UACA: variants seen among roughly 807,000 people sequenced by gnomAD.
UACA encodes the protein uveal autoantigen with coiled-coil domains and ankyrin repeats, also known as nuclear membrane binding protein.
Under a neutral mutation model 160.5 loss-of-function variants are expected in UACA, and 112 were observed. The ratio of observed to expected loss-of-function variants is 0.70; its 90% CI spans 0.60 to 0.82. The LOEUF (loss-of-function observed/expected upper bound fraction) is 0.82. UACA is among the 40% of genes least tolerant of loss of function. The pLI is 0.00. For synonymous variants in UACA, 557 were observed against 568.4 expected (o/e 0.98, Z 0.29); for missense variants, 1,574 against 1,614.6 (o/e 0.97, Z 0.43).
chr15:70,774,419 G>C, the UACA span, among the ~76,000 whole-genome samples: 1 of 151,858 alleles, frequency 6.6e-6, no homozygotes, highest in African/African-American at 2.4e-5. Flanking sequence ...GGTGGTGGGC[G>C]CCTGTAGTCC....
At chr15:70,754,507 C>G (rs1268258766) in intron 1 of UACA, among the ~76,000 whole-genome samples, 3 of 151,992 alleles carry the variant, frequency 2.0e-5, no homozygotes, top group Non-Finnish European at 2.9e-5. Flanking sequence ...GGTTAGGTGT[C>G]TTAAATGCAT....
At chr15:70,722,557 A>G (rs1296537707) in intron 1 of UACA, among the ~76,000 whole-genome samples, 2 of 152,174 alleles carry the variant, frequency 1.3e-5, no homozygotes, top group Non-Finnish European at 2.9e-5. Context: ...AGCTCAAGCA[A>G]TCCTCCTGGC....
At chr15:70,670,486 T>A (rs574662891) in intron 15 of UACA, among the ~76,000 whole-genome samples, 1 of 152,192 alleles carries the variant, frequency 6.6e-6, no homozygotes, top group African/African-American at 2.4e-5. Context: ...TTCCTTTCGT[T>A]CCTGCTCTAA....
intron 2 of UACA, among the ~76,000 whole-genome samples, chr15:70,695,832 T>C (rs1357608220): frequency 6.6e-6 from 1 of 152,232 alleles, no homozygotes; most frequent in African/African-American, 2.4e-5. Flanking sequence ...TATTTCATTA[T>C]TTATTTAGTC....
At chr15:70,679,549 C>G in intron 10 of UACA, 59 bp downstream of exon 10, 1 of 1,147,130 alleles carries the variant, frequency 8.7e-7, no homozygotes. Context: ...CTCTCTCAAT[C>G]CCACTACAAA....
At chr15:70,776,425 C>CTTTTTTT in the UACA span, among the ~76,000 whole-genome samples, 1 of 125,330 alleles carries the variant, frequency 8.0e-6, no homozygotes, top group Non-Finnish European at 1.7e-5. Flanking sequence ...CCTCAAATGT[C>CTTTTTTT]TTTTTTTTTT....
chr15:70,759,186 T>C (rs1434051321), intron 1 of UACA, among the ~76,000 whole-genome samples: 1 of 152,206 alleles, frequency 6.6e-6, no homozygotes, highest in Non-Finnish European at 1.5e-5. Flanking sequence ...CTACTACTTC[T>C]GGAATTACAG....
chr15:70,717,339 C>A (rs1300249910), intron 1 of UACA, among the ~76,000 whole-genome samples: 1 of 152,192 alleles, frequency 6.6e-6, no homozygotes, highest in African/African-American at 2.4e-5. Flanking sequence ...ACCATAAGAG[C>A]CTTCTCTATG....
At chr15:70,693,774 G>T (rs776800394) in intron 3 of UACA, among the ~76,000 whole-genome samples, 5 of 151,860 alleles carry the variant, frequency 3.3e-5, no homozygotes, top group African/African-American at 4.8e-5. Context: ...ATACCTGTTT[G>T]AATTGGGATC....
chr15:70,760,828 A>G (rs537805650), intron 1 of UACA, among the ~76,000 whole-genome samples: 1 of 152,160 alleles, frequency 6.6e-6, no homozygotes, highest in African/African-American at 2.4e-5. Flanking sequence ...AAAACAGAAA[A>G]AGAAAAATGG....
intron 10 of UACA, among the ~76,000 whole-genome samples, chr15:70,678,932 A>C (rs1252590693): frequency 6.6e-6 from 1 of 152,200 alleles, no homozygotes; most frequent in Non-Finnish European, 1.5e-5. Context: ...TTTCTAAAAT[A>C]AACACAAATG....
intron 1 of UACA, among the ~76,000 whole-genome samples, chr15:70,739,518 T>C (rs1238294516): frequency 6.6e-6 from 1 of 152,208 alleles, no homozygotes; most frequent in East Asian, 1.9e-4. Flanking sequence ...TGGCTTTATA[T>C]TGGCAAGAAT....
chr15:70,713,589 G>T (rs952751397), intron 1 of UACA, among the ~76,000 whole-genome samples: 5 of 152,020 alleles, frequency 3.3e-5, no homozygotes, highest in Admixed American at 3.3e-4. Flanking sequence ...CTATAATATG[G>T]GATTCCTCAG....
chr15:70,726,712 C>T (rs1252035919), intron 1 of UACA, among the ~76,000 whole-genome samples: 2 of 152,046 alleles, frequency 1.3e-5, no homozygotes, highest in African/African-American at 4.8e-5. Flanking sequence ...ATGTTCGGTA[C>T]CTTCTAAATT....
chr15:70,778,283 T>C, the UACA span, among the ~76,000 whole-genome samples: 4 of 152,258 alleles, frequency 2.6e-5, no homozygotes, highest in African/African-American at 9.6e-5. Flanking sequence ...AGTACTCATT[T>C]TGTATCATAG....
chr15:70,743,403 G>A (rs761476699), intron 1 of UACA, among the ~76,000 whole-genome samples: 21 of 152,064 alleles, frequency 1.4e-4, no homozygotes, highest in Non-Finnish European at 2.9e-4. Context: ...CAAAGTCCTG[G>A]GGATTCAGGT....
chr15:70,706,547 TTACAGA>T (rs1390892921), intron 1 of UACA, among the ~76,000 whole-genome samples: 2 of 146,732 alleles, frequency 1.4e-5, no homozygotes, highest in African/African-American at 5.0e-5. Flanking sequence ...ACTCTAAAGA[TTACAGA>T]TACAAACATA....
At chr15:70,697,268 C>T (rs181756319) in intron 2 of UACA, among the ~76,000 whole-genome samples, 40 of 152,274 alleles carry the variant, frequency 2.6e-4, no homozygotes, top group Admixed American at 8.5e-4. Context: ...CAGAGAAGTG[C>T]GCTTAGTATT....
chr15:70,771,442 T>C, the UACA span, among the ~76,000 whole-genome samples: 1 of 152,252 alleles, frequency 6.6e-6, no homozygotes, highest in African/African-American at 2.4e-5. Context: ...TGCCTTTACT[T>C]ACAGAACAGT....
Sources: allele counts gnomAD v4.1 joint callset (sites outside exome capture counted in the v4.1 genomes callset), GRCh38; gene constraint gnomAD v4.1.1; transcripts MANE v1.5; gene names NCBI Gene and HGNC (gene_info 2026-07-23, HGNC 2026-07-21).